MAN2A1: variants seen among roughly 807,000 people sequenced by gnomAD.
The protein encoded by MAN2A1 is alpha-mannosidase 2.
Under a neutral mutation model 142.6 loss-of-function variants are expected in MAN2A1, and 76 were observed. That is an observed-to-expected ratio of 0.53 (90% confidence interval 0.44 to 0.65). MAN2A1 has a LOEUF of 0.65. MAN2A1 is among the 30% of genes least tolerant of loss of function. The probability of loss-of-function intolerance (pLI) is 0.00; values close to 1 mark genes in which losing one functional copy is unlikely to be tolerated. For synonymous variants in MAN2A1, 559 were observed against 473.2 expected (o/e 1.18, Z -2.35); for missense variants, 1,311 against 1,365.1 (o/e 0.96, Z 0.62).
rs189946446 is a variant in MAN2A1 at position 109,797,017 on chromosome 5, A to T, written c.1943+7490A>T. ...GGTGTTCAACAAATATTTGTCAAAT[A>T]AACTAACTACGTTAGAGAAGGACTT... On this transcript the variant is annotated intron_variant, in intron 12 of 21. Transcript: ENST00000261483. Among the ~76,000 whole-genome samples, 6 of 152,318 alleles carry T rather than the reference A, an allele frequency of 3.9e-5. 1 individual carries two copies. In the East Asian group the frequency reaches 1.2e-3, roughly 29 times the overall value.
rs116603953 is a variant in MAN2A1 at position 109,783,329 on chromosome 5, C to T, written c.1578-1415C>T. 7.4e-3 allele frequency among the ~76,000 whole-genome samples: 1,128 copies of T among 152,168 alleles called. 16 individuals carry two copies. The highest frequency in any genetic ancestry group is 0.024 in the African/African-American group (1,004 of 41,542). ...AATATTTCATCTCTCTGCTCATTTG[C>T]AAAATGTGGATAAAATATAAAAGTA... On this transcript the variant is annotated intron_variant, in intron 9 of 21. Coordinates refer to ENST00000261483, the MANE Select transcript of MAN2A1 (RefSeq NM_002372.4).
chr5:109,845,260 G>C (rs897738652), intron 17 of MAN2A1, among the ~76,000 whole-genome samples: 3 of 152,110 alleles, frequency 2.0e-5, no homozygotes, highest in South Asian at 2.1e-4. Context: ...TCAAAAAGTA[G>C]AGTCATATTT....
intron 12 of MAN2A1, among the ~76,000 whole-genome samples, chr5:109,795,731 A>G (rs1753841027): frequency 6.6e-6 from 1 of 152,218 alleles, no homozygotes; most frequent in African/African-American, 2.4e-5. Context: ...TTCTGGTATT[A>G]TATCAACTAG....
chr5:109,725,293 T>C (rs1421735878), intron 3 of MAN2A1, among the ~76,000 whole-genome samples: 2 of 152,222 alleles, frequency 1.3e-5, no homozygotes, highest in African/African-American at 4.8e-5. Flanking sequence ...TGGTGGTGTG[T>C]ATGGGGAGAG....
intron 12 of MAN2A1, among the ~76,000 whole-genome samples, chr5:109,802,174 AT>A: frequency 6.6e-6 from 1 of 152,090 alleles, no homozygotes; most frequent in South Asian, 2.1e-4. Context: ...GTGACCTGTG[AT>A]TTATACTGTA....
intron 19 of MAN2A1, 36 bp from the exon 20 acceptor site, chr5:109,855,104 A>G: frequency 8.4e-7 from 1 of 1,188,442 alleles, no homozygotes. Flanking sequence ...AACTGGAAAT[A>G]TAGACCTCTT....
intron 12 of MAN2A1, among the ~76,000 whole-genome samples, chr5:109,816,389 A>T (rs1179280900): frequency 1.3e-5 from 2 of 152,152 alleles, no homozygotes; most frequent in Non-Finnish European, 2.9e-5. Context: ...ATATTGCCTA[A>T]ACTTATTTTA....
At chr5:109,800,528 A>G (rs570853666) in intron 12 of MAN2A1, among the ~76,000 whole-genome samples, 6 of 152,082 alleles carry the variant, frequency 3.9e-5, no homozygotes, top group Non-Finnish European at 8.8e-5. Flanking sequence ...AAGGACGTGC[A>G]TTTCAGCTTT....
At chr5:109,794,419 T>G (rs1438842089) in intron 12 of MAN2A1, among the ~76,000 whole-genome samples, 1 of 152,168 alleles carries the variant, frequency 6.6e-6, no homozygotes, top group East Asian at 1.9e-4. Context: ...GAAATGTCTT[T>G]CCATTAGTTA....
intron 4 of MAN2A1, among the ~76,000 whole-genome samples, chr5:109,735,095 C>CTTG (rs1334964298): frequency 2.6e-5 from 4 of 152,312 alleles, no homozygotes; most frequent in African/African-American, 9.6e-5. Flanking sequence ...GTTAGCTCTT[C>CTTG]TTGTTGAATT....
chr5:109,788,607 A>C (rs1753658033), intron 10 of MAN2A1, among the ~76,000 whole-genome samples: 2 of 151,842 alleles, frequency 1.3e-5, no homozygotes, highest in Admixed American at 1.3e-4. Context: ...TGTTTTTTTG[A>C]TAGAATGCTT....
At chr5:109,751,889 C>A (rs942841128) in intron 4 of MAN2A1, among the ~76,000 whole-genome samples, 4 of 152,012 alleles carry the variant, frequency 2.6e-5, no homozygotes, top group African/African-American at 9.7e-5. Flanking sequence ...CCTATTTTCT[C>A]TTTTGTTAAT....
chr5:109,726,033 T>C (rs985540319), intron 3 of MAN2A1, among the ~76,000 whole-genome samples: 1 of 152,128 alleles, frequency 6.6e-6, no homozygotes, highest in Non-Finnish European at 1.5e-5. Flanking sequence ...TTTTTATGGG[T>C]GGTAATAGTG....
At chr5:109,816,423 A>G (rs1754463017) in intron 12 of MAN2A1, among the ~76,000 whole-genome samples, 1 of 152,106 alleles carries the variant, frequency 6.6e-6, no homozygotes, top group South Asian at 2.1e-4. Flanking sequence ...TCCTTTTTCT[A>G]CCTAATCCCA....
chr5:109,705,718 C>G (rs900649580), intron 1 of MAN2A1, among the ~76,000 whole-genome samples: 2 of 152,208 alleles, frequency 1.3e-5, no homozygotes, highest in Admixed American at 6.5e-5. Flanking sequence ...ACAGGCCCTA[C>G]TGGACTAAAA....
intron 4 of MAN2A1, among the ~76,000 whole-genome samples, chr5:109,741,638 T>C (rs1280409653): frequency 2.0e-5 from 3 of 152,198 alleles, no homozygotes; most frequent in South Asian, 2.1e-4. Flanking sequence ...AGAATACCAA[T>C]TGATTGTGGG....
intron 12 of MAN2A1, among the ~76,000 whole-genome samples, chr5:109,814,915 G>T (rs79758069): frequency 1.3e-5 from 2 of 152,132 alleles, no homozygotes; most frequent in African/African-American, 4.8e-5. Flanking sequence ...TGCCAGTAGG[G>T]ATTCTAGGCT....
At chr5:109,749,777 C>T (rs1490416089) in intron 4 of MAN2A1, among the ~76,000 whole-genome samples, 1 of 151,782 alleles carries the variant, frequency 6.6e-6, no homozygotes, top group African/African-American at 2.4e-5. Flanking sequence ...TAACTTTCTC[C>T]ACTAATATTC....
chr5:109,795,157 C>A (rs910911376), intron 12 of MAN2A1, among the ~76,000 whole-genome samples: 1 of 152,012 alleles, frequency 6.6e-6, no homozygotes, highest in Non-Finnish European at 1.5e-5. Context: ...ACAAAATAAT[C>A]TTATTTGGTG....
Sources: gnomAD v4.1 joint callset for allele counts (sites outside exome capture counted in the v4.1 genomes callset) on GRCh38, gnomAD v4.1.1 for gene constraint, MANE v1.5 for transcripts, NCBI Gene and HGNC (gene_info 2026-07-23, HGNC 2026-07-21) for gene names.